GPATCH8: variants seen among roughly 807,000 people sequenced by gnomAD.
GPATCH8 encodes G-patch domain containing 8.
GPATCH8 carries 18 observed loss-of-function variants against 118.3 expected under a neutral mutation model. The observed-to-expected ratio is 0.15, with a 90% CI of 0.11 to 0.23. GPATCH8 has a LOEUF of 0.23. GPATCH8 is among the 10% of genes least tolerant of loss of function. The pLI, the probability that GPATCH8 is intolerant of heterozygous loss-of-function variation, is 1.00. For missense variants in GPATCH8, 1,631 were observed against 1,873.8 expected (o/e 0.87, Z 2.39); for synonymous variants, 659 against 684.7 (o/e 0.96, Z 0.59).
chr17:44,433,290 A>C (rs1014192756), intron 5 of GPATCH8, among the ~76,000 whole-genome samples: 3 of 152,246 alleles, frequency 2.0e-5, no homozygotes, highest in African/African-American at 7.2e-5. Context: ...CAGACAGTAC[A>C]TAAAATGAAT....
At chr17:44,443,540 G>A (rs2050773638) in intron 3 of GPATCH8, among the ~76,000 whole-genome samples, 1 of 151,620 alleles carries the variant, frequency 6.6e-6, no homozygotes, top group Admixed American at 6.6e-5. Flanking sequence ...AGTTTTTAAG[G>A]TTTAAAAAAA....
At chr17:44,448,421 A>G (rs1034172853) in intron 3 of GPATCH8, among the ~76,000 whole-genome samples, 1 of 140,628 alleles carries the variant, frequency 7.1e-6, no homozygotes, top group Non-Finnish European at 1.5e-5. Context: ...TTGGCCAGAC[A>G]TGGTGGCAAA....
chr17:44,438,199 T>A (rs1038359739), intron 3 of GPATCH8, among the ~76,000 whole-genome samples: 1 of 152,188 alleles, frequency 6.6e-6, no homozygotes, highest in East Asian at 1.9e-4. Flanking sequence ...GTCCAATGAA[T>A]GAATTAAAAA....
Position 44,395,643 on chromosome 17 carries a change from G to A in GPATCH8, c.*1925C>T, listed in dbSNP as rs775489270. The stretch of plus-strand genomic sequence containing the variant: ...GATGCTTCTGAATCAGATGAGTACT[G>A]AACAGGTAGGAGGGTGGGAGGGCAG... On this transcript the variant is annotated 3_prime_UTR_variant, in exon 8 of 8. Transcript: ENST00000591680. 1 of 454,044 alleles carries A rather than the reference G, an allele frequency of 2.2e-6. No homozygotes were observed. Among genetic ancestry groups the A allele is most frequent in the African/African-American group, 2.0e-5 (1 of 50,012 alleles). The allele number at this position is 454,044 out of a possible 1,614,324, so 28.1% of individuals were successfully genotyped here. A position where few individuals can be genotyped will look rare whatever the true frequency, so the allele number is the denominator to read the frequency against.
chr17:44,500,541 T>C (rs77731431), intron 1 of GPATCH8, among the ~76,000 whole-genome samples: 9 of 152,354 alleles, frequency 5.9e-5, no homozygotes, highest in African/African-American at 2.2e-4. Flanking sequence ...TCACAAATTT[T>C]AATAGCCCAA....
chr17:44,414,103 GTGTATATATATATGTATATATA>G (rs2049566458), intron 6 of GPATCH8, among the ~76,000 whole-genome samples: 1 of 119,810 alleles, frequency 8.3e-6, no homozygotes, highest in African/African-American at 3.0e-5. Context: ...ATATATATGT[GTGTATATATATATGTATATATA>G]TGTGTATATA....
chr17:44,402,945 G>A (rs34359486), intron 7 of GPATCH8, among the ~76,000 whole-genome samples: 8,626 of 152,164 alleles, frequency 0.057, 350 homozygotes, highest in Middle Eastern at 0.095. Flanking sequence ...CTGAGGTGGG[G>A]TCTAACTGCA....
At chr17:44,442,106 TAC>T (rs1567993797) in intron 3 of GPATCH8, among the ~76,000 whole-genome samples, 1 of 90,256 alleles carries the variant, frequency 1.1e-5, no homozygotes, top group Non-Finnish European at 2.7e-5. Flanking sequence ...CGTATATATA[TAC>T]ATATATATAT....
chr17:44,400,139 C>A lies in GPATCH8; in HGVS notation c.1938G>T (p.Glu646Asp), dbSNP rs2048959432. The A allele has an allele frequency of 6.2e-7, 1 of 1,614,066 alleles. No homozygotes were observed. The highest frequency in any genetic ancestry group is 8.5e-7 in the Non-Finnish European group (1 of 1,180,026). The change falls in exon 8 of 8, where the codon GAG becomes GAT. Residue 646 changes from glutamate to aspartate, a missense_variant. Transcript: ENST00000591680. ...TCTCAGACCCATGGCTACCCCCAGG[C>A]TCCTGCTTGTTCAGGCCGCTACAGG... ...GSACSGLNKQ[E>D]PGGSHGSETE...
At chr17:44,472,842 C>T (rs1967402402) in intron 2 of GPATCH8, among the ~76,000 whole-genome samples, 2 of 151,826 alleles carry the variant, frequency 1.3e-5, no homozygotes, top group South Asian at 4.2e-4. Flanking sequence ...ACTACAGGTG[C>T]CTACCACTGC....
Position 44,474,066 on chromosome 17 carries a change from C to T in GPATCH8, c.120+763G>A, listed in dbSNP as rs535627449. Among the ~76,000 whole-genome samples the T allele has an allele frequency of 5.3e-5, 8 of 152,118 alleles. No homozygotes were observed. In the East Asian group the frequency reaches 1.5e-3, roughly 29 times the overall value. ...CACTCAAGTTTTACCAATAACTCAC[C>T]GAAATCCTTATTAAATATGTACACT... On this transcript the variant is annotated intron_variant, in intron 2 of 7. Coordinates refer to ENST00000591680, the MANE Select transcript of GPATCH8 (RefSeq NM_001002909.4).
At chr17:44,421,837 G>A (rs567983142) in intron 6 of GPATCH8, among the ~76,000 whole-genome samples, 11 of 150,560 alleles carry the variant, frequency 7.3e-5, no homozygotes, top group South Asian at 6.3e-4. Flanking sequence ...GGCAATTCTC[G>A]TGCCTCGAAC....
chr17:44,453,496 TA>T (rs1401514640), intron 3 of GPATCH8, among the ~76,000 whole-genome samples: 75,923 of 143,308 alleles, frequency 0.53, 20,965 homozygotes, highest in Middle Eastern at 0.61. Context: ...GGTAGGTAGG[TA>T]GGGGTGTGTG....
intron 1 of GPATCH8, among the ~76,000 whole-genome samples, chr17:44,488,695 G>A (rs1968991762): frequency 6.6e-6 from 1 of 151,872 alleles, no homozygotes; most frequent in South Asian, 2.1e-4. Context: ...TATAGTTAGT[G>A]TATGGATACT....
chr17:44,403,533 A>C (rs1318084466), intron 7 of GPATCH8, among the ~76,000 whole-genome samples: 1 of 152,018 alleles, frequency 6.6e-6, no homozygotes, highest in Non-Finnish European at 1.5e-5. Context: ...CAATTTTTAT[A>C]GTTTGTACAC....
chr17:44,449,574 T>C (rs552923040), intron 3 of GPATCH8, among the ~76,000 whole-genome samples: 93 of 149,646 alleles, frequency 6.2e-4, no homozygotes, highest in African/African-American at 2.3e-3. Context: ...TGGAGTGCAA[T>C]GGCGTGATCT....
intron 4 of GPATCH8, 44 bp from the exon 5 acceptor site, chr17:44,435,195 C>T (rs1021437543): frequency 5.7e-6 from 5 of 884,282 alleles, no homozygotes; most frequent in South Asian, 1.3e-5. Flanking sequence ...CTAAAGTACC[C>T]CCAAGATTAG....
At chr17:44,406,506 G>GGGGGGGGGGT (rs377596219) in intron 6 of GPATCH8, among the ~76,000 whole-genome samples, 1 of 69,312 alleles carries the variant, frequency 1.4e-5, no homozygotes, top group East Asian at 5.5e-4. Context: ...TGGGGGGGGG[G>GGGGGGGGGGT]GGTTATTTAA....
intron 1 of GPATCH8, among the ~76,000 whole-genome samples, chr17:44,477,684 G>A (rs2144395508): frequency 6.6e-6 from 1 of 151,966 alleles, no homozygotes; most frequent in Non-Finnish European, 1.5e-5. Flanking sequence ...GCAAGGGACA[G>A]GAGGAGTATG....
Sources: allele counts gnomAD v4.1 joint callset (sites outside exome capture counted in the v4.1 genomes callset), GRCh38; gene constraint gnomAD v4.1.1; transcripts MANE v1.5; gene names NCBI Gene and HGNC (gene_info 2026-07-23, HGNC 2026-07-21).